The following N4BP2L2 variants were observed in gnomAD, a reference collection of about 807,000 sequenced individuals.
The protein encoded by N4BP2L2 is NEDD4 binding protein 2 like 2.
In N4BP2L2, 50 loss-of-function variants were observed where a neutral mutation model predicts 56.2. The observed-to-expected ratio is 0.89, with a 90% CI of 0.71 to 1.13. The LOEUF is 1.13. Ranked by LOEUF, N4BP2L2 falls within the 50% of genes most tolerant of loss-of-function variation. The pLI is 0.00. For missense variants in N4BP2L2, 689 were observed against 693.8 expected (o/e 0.99, Z 0.08); for synonymous variants, 203 against 223.6 (o/e 0.91, Z 0.82).
At chr13:32,511,846 A>AG (rs2048208409) in exon 6 of N4BP2L2, 1 of 152,150 alleles carries the variant, frequency 6.6e-6, no homozygotes. Flanking sequence ...TTCTAAGATT[A>AG]AGAAAAACGG....
chr13:32,516,919 A>G (rs1308931321), exon 6 of N4BP2L2: 2 of 984,534 alleles, frequency 2.0e-6, no homozygotes, highest in Admixed American at 1.2e-4. Flanking sequence ...TTTTAATTTT[A>G]TATGAAGAAA....
At chr13:32,492,042 T>C (rs1435951950) in intron 6 of N4BP2L2, among the ~76,000 whole-genome samples, 1 of 152,178 alleles carries the variant, frequency 6.6e-6, no homozygotes, top group Non-Finnish European at 1.5e-5. Flanking sequence ...TTTTCATATA[T>C]TCCCCACAAA....
exon 6 of N4BP2L2, chr13:32,515,282 TA>T (rs2048970014): frequency 6.6e-6 from 1 of 152,136 alleles, no homozygotes; most frequent in South Asian, 2.1e-4. Flanking sequence ...AAAATTTTTT[TA>T]ATGCAAAATA....
chr13:32,536,552 T>G lies in N4BP2L2; in HGVS notation c.476A>C (p.Gln159Pro), dbSNP rs1279107438. 2.5e-6 allele frequency: 4 copies of G among 1,613,984 alleles called. No homozygotes were observed. The East Asian group carries it at 6.7e-5, about 27-fold the overall frequency. The change falls in exon 2 of 6, where the codon CAG becomes CCG. Residue 159 changes from glutamine (Q) to proline (P), a missense_variant. Physicochemically the swap from Gln to Pro is moderately conservative, Grantham distance 76. Transcript: ENST00000267068. Reference sequence around the variant, plus strand: ...CTCTGATTTTTCAGAGTTAAATTTCTGTTTCTCTTTTTGTCCTCCTCTGTC... The same window carrying G: ...CTCTGATTTTTCAGAGTTAAATTTCGGTTTCTCTTTTTGTCCTCCTCTGTC...
chr13:32,535,664 A>C (rs2056374196), intron 2 of N4BP2L2, 105 bp downstream of exon 2: 5 of 1,294,044 alleles, frequency 3.9e-6, no homozygotes, highest in Non-Finnish European at 5.3e-6. Context: ...CTGGCCTCCC[A>C]AAGTGTTGGG....
chr13:32,449,672 A>G (rs1030839873), intron 6 of N4BP2L2, among the ~76,000 whole-genome samples: 1 of 152,194 alleles, frequency 6.6e-6, no homozygotes, highest in Non-Finnish European at 1.5e-5. Flanking sequence ...AGCACCTAGC[A>G]CAATGCTTGA....
chr13:32,448,716 A>G (rs2077407686), intron 6 of N4BP2L2, among the ~76,000 whole-genome samples: 1 of 152,220 alleles, frequency 6.6e-6, no homozygotes, highest in South Asian at 2.1e-4. Context: ...CCTCATGAAA[A>G]AATATAATTA....
chr13:32,443,121 C>T (rs754405725), exon 7 of N4BP2L2: 9 of 1,612,976 alleles, frequency 5.6e-6, no homozygotes, highest in African/African-American at 4.0e-5. Context: ...TTGGTATATC[C>T]GGTTGAGGTA....
At chr13:32,496,093 CA>C (rs1306851760) in intron 6 of N4BP2L2, among the ~76,000 whole-genome samples, 1 of 152,184 alleles carries the variant, frequency 6.6e-6, no homozygotes, top group Non-Finnish European at 1.5e-5. Context: ...TTGAATGAGG[CA>C]GCCAGGAAGG....
At chr13:32,528,534 C>T (rs2053736019) in intron 2 of N4BP2L2, among the ~76,000 whole-genome samples, 2 of 152,292 alleles carry the variant, frequency 1.3e-5, no homozygotes, top group Middle Eastern at 3.4e-3. Flanking sequence ...GTACTCAGAA[C>T]TCTCATTACC....
At chr13:32,537,843 G>C (rs1457752085) in intron 1 of N4BP2L2, among the ~76,000 whole-genome samples, 1 of 152,134 alleles carries the variant, frequency 6.6e-6, no homozygotes, top group African/African-American at 2.4e-5. Context: ...AGGCTGAGGC[G>C]GGCGGATTGC....
rs201054521 is a variant in N4BP2L2, at chr13:32,536,975, G to C, written c.53C>G (p.Thr18Arg). 2.5e-6 allele frequency: 4 copies of C among 1,608,094 alleles called. No individual in the cohort carries two copies. The African/African-American group carries it at 5.4e-5, about 22-fold the overall frequency. Residue 18 changes from threonine to arginine, a missense_variant, in exon 2 of 6, where the codon ACG (threonine) becomes AGG (arginine). Transcript: ENST00000267068. ...CAATTTTTTACAGCGTGGCTCACTC[G>C]TTACTTCTTCTCTAGGTCCCAAGAA...
exon 7 of N4BP2L2, chr13:32,442,557 T>C: frequency 6.2e-7 from 1 of 1,613,862 alleles, no homozygotes; most frequent in Non-Finnish European, 8.5e-7. Context: ...ACCTTTCATT[T>C]AAAAAGTGAA....
chr13:32,538,090 T>A, intron 1 of N4BP2L2, among the ~76,000 whole-genome samples: 1 of 146,134 alleles, frequency 6.8e-6, no homozygotes, highest in African/African-American at 2.5e-5. Flanking sequence ...GGGCGGTTAC[T>A]TCCCCTGAAA....
intron 2 of N4BP2L2, among the ~76,000 whole-genome samples, chr13:32,534,345 T>C (rs950678500): frequency 2.6e-5 from 4 of 152,316 alleles, no homozygotes; most frequent in Non-Finnish European, 5.9e-5. Context: ...TACTCCAATA[T>C]GTTGTCTCAA....
chr13:32,533,122 A>G (rs1437071088), intron 2 of N4BP2L2, among the ~76,000 whole-genome samples: 2 of 152,160 alleles, frequency 1.3e-5, no homozygotes, highest in Non-Finnish European at 2.9e-5. Flanking sequence ...TGGTGGGATA[A>G]GTCTCGTTTT....
At chr13:32,516,420 T>A (rs1281302348) in exon 6 of N4BP2L2, 1 of 152,196 alleles carries the variant, frequency 6.6e-6, no homozygotes, top group African/African-American at 2.4e-5. Flanking sequence ...ACAAATAAAA[T>A]CATATTCTTA....
At chr13:32,463,007 C>A (rs963078231) in intron 6 of N4BP2L2, among the ~76,000 whole-genome samples, 2 of 151,786 alleles carry the variant, frequency 1.3e-5, no homozygotes, top group Admixed American at 1.3e-4. Flanking sequence ...TGCACCACTG[C>A]ACTCCAACCT....
chr13:32,464,913 T>G (rs1185857739), intron 6 of N4BP2L2, among the ~76,000 whole-genome samples: 1 of 151,866 alleles, frequency 6.6e-6, no homozygotes, highest in African/African-American at 2.4e-5. Context: ...TCTGCCAGAT[T>G]AACAAAATTG....
Sources: gnomAD v4.1 joint callset for allele counts (sites outside exome capture counted in the v4.1 genomes callset) on GRCh38, gnomAD v4.1.1 for gene constraint, MANE v1.5 for transcripts, NCBI Gene and HGNC (gene_info 2026-07-23, HGNC 2026-07-21) for gene names.